The following ALMS1 variants were observed in gnomAD, a reference collection of about 807,000 sequenced individuals.
ALMS1 encodes the protein ALMS1 centrosome and basal body associated protein, also known as centrosome-associated protein ALMS1.
A neutral mutation model predicts 352.2 loss-of-function variants in ALMS1; 271 were observed. The observed-to-expected ratio is 0.77, with a 90% CI of 0.70 to 0.85. ALMS1 has a LOEUF of 0.85. ALMS1 is among the 40% of genes least tolerant of loss of function. The probability of loss-of-function intolerance (pLI) is 0.00; values close to 1 mark genes in which losing one functional copy is unlikely to be tolerated. For synonymous variants in ALMS1, 1,865 were observed against 1,761.2 expected (o/e 1.06, Z -1.48); for missense variants, 5,445 against 4,870.7 (o/e 1.12, Z -3.51).
chr2:73,489,705 T>C lies in ALMS1; in HGVS notation c.7746T>C (p.His2582=), dbSNP rs1221650688. Residue 2582 remains histidine (H), a synonymous_variant, in exon 10 of 23, where the codon CAT becomes CAC. Transcript: ENST00000613296. ...AVCSHIIIES[H]EKGCFRTLTS... The stretch of plus-strand genomic sequence containing the variant: ...GTAGTCACATTATTATTGAGAGCCA[T>C]GAAAAGGGATGTTTCCGGACTCTAA... 6 of 1,614,012 alleles carry C rather than the reference T, an allele frequency of 3.7e-6. 1 individual carries two copies. The African/African-American group carries it at 8.0e-5, about 22-fold the overall frequency.
At chr2:73,464,197 T>C (rs1295084496) in intron 9 of ALMS1, among the ~76,000 whole-genome samples, 1 of 152,160 alleles carries the variant, frequency 6.6e-6, no homozygotes, top group Non-Finnish European at 1.5e-5. Context: ...AAATCCTCAA[T>C]AAAATACTGG....
chr2:73,535,869 T>C (rs973234669), intron 12 of ALMS1, among the ~76,000 whole-genome samples: 3 of 152,128 alleles, frequency 2.0e-5, no homozygotes, highest in African/African-American at 7.2e-5. Flanking sequence ...TAAATGTCAT[T>C]ATATATATAG....
At chr2:73,583,105 C>G (rs1675223575) in intron 16 of ALMS1, among the ~76,000 whole-genome samples, 1 of 150,694 alleles carries the variant, frequency 6.6e-6, no homozygotes, top group Non-Finnish European at 1.5e-5. Context: ...TTGCATTGCT[C>G]TTATGCTTAG....
chr2:73,477,744 A>G (rs896326818), intron 9 of ALMS1, among the ~76,000 whole-genome samples: 1 of 152,016 alleles, frequency 6.6e-6, no homozygotes, highest in Non-Finnish European at 1.5e-5. Context: ...TGTAAATTGA[A>G]TTTTTTTTAA....
chr2:73,598,169 C>T (rs1288884476), intron 16 of ALMS1, among the ~76,000 whole-genome samples: 1 of 152,180 alleles, frequency 6.6e-6, no homozygotes, highest in Non-Finnish European at 1.5e-5. Flanking sequence ...CCATATAACT[C>T]CATCTTGCCC....
Position 73,432,275 on chromosome 2 carries a change from T to C in ALMS1, c.1416T>C (p.Pro472=), listed in dbSNP as rs775455907. Residue 472 remains proline, a synonymous_variant, in exon 7 of 23, where the codon CCT becomes CCC. Transcript: ENST00000613296. ...RMSPDTVPKA[P]KHLKAGDTSK... The stretch of plus-strand genomic sequence containing the variant: ...CTCCTGACACTGTGCCAAAGGCTCC[T>C]AAACATTTAAAAGCAGGTACGTAGA... 5 of 1,611,300 alleles carry C rather than the reference T, an allele frequency of 3.1e-6. No individual in the cohort carries two copies. In the South Asian group the frequency reaches 4.4e-5, roughly 14 times the overall value.
At chr2:73,589,059 G>A (rs1471424739) in intron 16 of ALMS1, among the ~76,000 whole-genome samples, 1 of 151,832 alleles carries the variant, frequency 6.6e-6, no homozygotes, top group Non-Finnish European at 1.5e-5. Context: ...CAAAATATAT[G>A]TCATACATAG....
intron 10 of ALMS1, among the ~76,000 whole-genome samples, chr2:73,518,071 A>G (rs1673597060): frequency 6.6e-6 from 1 of 151,006 alleles, no homozygotes; most frequent in Non-Finnish European, 1.5e-5. Flanking sequence ...CCAGGTACTA[A>G]GCGTGGTACC....
intron 7 of ALMS1, among the ~76,000 whole-genome samples, chr2:73,438,741 A>G (rs1004975896): frequency 2.0e-5 from 3 of 152,206 alleles, no homozygotes; most frequent in Non-Finnish European, 2.9e-5. Context: ...GAAAATATCA[A>G]AAAAGACAGA....
At chr2:73,568,944 T>TA (rs1392069634) in intron 15 of ALMS1, among the ~76,000 whole-genome samples, 1 of 147,658 alleles carries the variant, frequency 6.8e-6, no homozygotes, top group Non-Finnish European at 1.5e-5. Context: ...TGTTGTTTTA[T>TA]AAAGCCCTTT....
At chr2:73,467,784 A>G (rs372357925) in intron 9 of ALMS1, among the ~76,000 whole-genome samples, 4 of 152,116 alleles carry the variant, frequency 2.6e-5, no homozygotes, top group African/African-American at 7.2e-5. Context: ...TACTGCCTCA[A>G]CAACCTTGAA....
At chr2:73,560,394 A>C (rs1193336110) in intron 15 of ALMS1, among the ~76,000 whole-genome samples, 1 of 152,180 alleles carries the variant, frequency 6.6e-6, no homozygotes, top group Non-Finnish European at 1.5e-5. Flanking sequence ...AAAAAATAGC[A>C]AATGTTCGTG....
At chr2:73,454,462 G>A (rs1672018692) in intron 8 of ALMS1, 1 of 811,518 alleles carries the variant, frequency 1.2e-6, no homozygotes, top group African/African-American at 1.9e-5. Context: ...GGCAGAAAGA[G>A]CCTCCAATTT....
intron 10 of ALMS1, among the ~76,000 whole-genome samples, chr2:73,510,298 G>C (rs560128110): frequency 3.3e-4 from 50 of 152,180 alleles, no homozygotes; most frequent in African/African-American, 1.1e-3. Context: ...AGGCATTCTG[G>C]TTTTGGAATT....
intron 11 of ALMS1, among the ~76,000 whole-genome samples, chr2:73,523,757 ACTCCTT>A (rs915117063): frequency 2.7e-5 from 4 of 149,134 alleles, no homozygotes; most frequent in African/African-American, 9.9e-5. Context: ...ACAGAGTGAG[ACTCCTT>A]CCCCCTTCCC....
chr2:73,472,329 T>C (rs973170449), intron 9 of ALMS1, among the ~76,000 whole-genome samples: 2 of 152,024 alleles, frequency 1.3e-5, no homozygotes, highest in African/African-American at 2.4e-5. Flanking sequence ...CAAAAAGTAT[T>C]TGGGAATAAA....
In ALMS1 at chr2:73,424,562, G is replaced by A. The variant is rs1296000408; in HGVS notation, c.897G>A (p.Pro299=). 3 of 1,613,742 alleles carry A rather than the reference G, an allele frequency of 1.9e-6. No homozygotes were observed. Among genetic ancestry groups the A allele is most frequent in the Admixed American group, 1.7e-5 (1 of 59,902 alleles). ...GTCGCTTTAGTGTATCTCAGCACCC[G>A]CTTATAGGCAGCACAGCTGTTGGGT... The part of the protein sequence containing the change: ...ASSRFSVSQH[P]LIGSTAVGSQ... The change falls in exon 5 of 23, where the codon CCG becomes CCA. Residue 299 remains proline (P), a synonymous_variant. Transcript: ENST00000613296.
At chr2:73,568,317 C>T (rs1424355860) in intron 15 of ALMS1, among the ~76,000 whole-genome samples, 1 of 152,106 alleles carries the variant, frequency 6.6e-6, no homozygotes, top group Admixed American at 6.5e-5. Context: ...TGATATCTAA[C>T]TAATGTTGAA....
chr2:73,423,173 A>G (rs1458716797), intron 4 of ALMS1, among the ~76,000 whole-genome samples, 199 bp downstream of exon 4: 1 of 152,312 alleles, frequency 6.6e-6, no homozygotes, highest in Admixed American at 6.5e-5. Flanking sequence ...GATGAACCAG[A>G]TGACAGTAGT....
Sources: allele counts gnomAD v4.1 joint callset (sites outside exome capture counted in the v4.1 genomes callset), GRCh38; gene constraint gnomAD v4.1.1; transcripts MANE v1.5; gene names NCBI Gene and HGNC (gene_info 2026-07-23, HGNC 2026-07-21).